PCSK5: variants seen among roughly 807,000 people sequenced by gnomAD.
PCSK5 encodes prohormone convertase 5.
A neutral mutation model predicts 233.2 loss-of-function variants in PCSK5; 129 were observed. That is an observed-to-expected ratio of 0.55 (90% CI 0.48 to 0.64). The LOEUF is 0.64. Ranked by LOEUF, PCSK5 falls within the 30% of genes least tolerant of loss-of-function variation. The pLI is 0.00. For missense variants in PCSK5, 2,076 were observed against 2,430.1 expected, an observed-to-expected ratio of 0.85 and a Z score of 3.06; for synonymous variants, 825 against 879.2, an observed-to-expected ratio of 0.94 and a Z score of 1.09.
chr9:75,903,175 C>T (rs1372320983), intron 1 of PCSK5, among the ~76,000 whole-genome samples: 1 of 152,180 alleles, frequency 6.6e-6, no homozygotes, highest in Non-Finnish European at 1.5e-5. Context: ...TTCATGTATT[C>T]TTAGCCTAAA....
intron 16 of PCSK5, among the ~76,000 whole-genome samples, chr9:76,182,584 A>G (rs1411952): frequency 0.82 from 123,649 of 151,340 alleles, 50,696 homozygotes; most frequent in Middle Eastern, 0.9. Flanking sequence ...AAAAATGTGT[A>G]CCTTAACACA....
chr9:76,343,679 G>A (rs967127188), intron 35 of PCSK5, among the ~76,000 whole-genome samples: 11 of 151,958 alleles, frequency 7.2e-5, no homozygotes, highest in African/African-American at 2.7e-4. Flanking sequence ...AGTTTCTCCA[G>A]CCTGCTTTGC....
At chr9:76,046,087 ACT>A (rs1274881337) in intron 5 of PCSK5, among the ~76,000 whole-genome samples, 6 of 147,242 alleles carry the variant, frequency 4.1e-5, no homozygotes, top group South Asian at 2.1e-4. Context: ...TTGTTTTATG[ACT>A]CTGGACAGAT....
At chr9:76,351,447 G>GAAAGGAAAGAAGAAAGAAA (rs1491332963) in intron 36 of PCSK5, among the ~76,000 whole-genome samples, 1,488 of 27,346 alleles carry the variant, frequency 0.054, 351 homozygotes, top group South Asian at 0.092. Context: ...GTGAAAGAAA[G>GAAAGGAAAGAAGAAAGAAA]GAAAGAAAGA....
intron 5 of PCSK5, among the ~76,000 whole-genome samples, chr9:76,057,626 C>T (rs1436612192): frequency 3.3e-5 from 5 of 151,804 alleles, no homozygotes; most frequent in Admixed American, 2.6e-4. Flanking sequence ...TATAAGAAGC[C>T]CTTTATAAGG....
intron 9 of PCSK5, among the ~76,000 whole-genome samples, chr9:76,127,878 CT>C (rs35566010): frequency 0.47 from 71,407 of 151,882 alleles, 17,185 homozygotes; most frequent in Admixed American, 0.52. Flanking sequence ...GAAACAGAGA[CT>C]TTCAAGAGGT....
At chr9:76,311,939 A>G (rs896898783) in intron 30 of PCSK5, among the ~76,000 whole-genome samples, 8 of 152,184 alleles carry the variant, frequency 5.3e-5, no homozygotes, top group Admixed American at 2.0e-4. Flanking sequence ...TTTCTTGAAG[A>G]AAAGAAAATT....
At chr9:76,026,043 A>G (rs1490829561) in intron 4 of PCSK5, among the ~76,000 whole-genome samples, 1 of 152,198 alleles carries the variant, frequency 6.6e-6, no homozygotes, top group East Asian at 1.9e-4. Flanking sequence ...TACAGGGTAT[A>G]GTGAGCCAAG....
At chr9:76,069,145 C>T (rs1327300830) in intron 6 of PCSK5, among the ~76,000 whole-genome samples, 2 of 152,044 alleles carry the variant, frequency 1.3e-5, no homozygotes, top group Non-Finnish European at 2.9e-5. Context: ...TAGCGGGGAG[C>T]ATCTGCTATT....
At chr9:76,269,430 G>C (rs1018056240) in intron 24 of PCSK5, among the ~76,000 whole-genome samples, 56 of 152,178 alleles carry the variant, frequency 3.7e-4, no homozygotes, top group African/African-American at 1.3e-3. Context: ...ACTCATCACA[G>C]TTTCAGCAGG....
intron 24 of PCSK5, among the ~76,000 whole-genome samples, chr9:76,269,507 G>C (rs1336291169): frequency 6.6e-6 from 1 of 152,146 alleles, no homozygotes; most frequent in African/African-American, 2.4e-5. Context: ...AGCTTAAAAA[G>C]GGTATTAAAG....
intron 1 of PCSK5, among the ~76,000 whole-genome samples, chr9:75,897,574 A>G (rs912162974): frequency 6.7e-6 from 1 of 148,472 alleles, no homozygotes; most frequent in Non-Finnish European, 1.5e-5. Flanking sequence ...GCTCGCTGCA[A>G]CCGCTGCCTC....
intron 22 of PCSK5, among the ~76,000 whole-genome samples, chr9:76,234,727 T>C (rs1284857030): frequency 6.6e-6 from 1 of 152,226 alleles, no homozygotes; most frequent in Non-Finnish European, 1.5e-5. Context: ...TGAAATGAGA[T>C]AAAACAATAA....
At chr9:76,321,784 A>G (rs1181468932) in intron 31 of PCSK5, 145 bp downstream of exon 31, 1 of 602,806 alleles carries the variant, frequency 1.7e-6, no homozygotes, top group Non-Finnish European at 2.9e-6. Flanking sequence ...GTCATCAGAG[A>G]AACTGAGGGT....
At position 76,175,042 on chromosome 9, in the gene PCSK5, C is replaced by T. The variant is rs752940234; in HGVS notation, c.1813C>T (p.Pro605Ser). Reference sequence around the variant, plus strand: ...CGGCACCTCCGTGCAGCCATATTCACCAACCAATGAATTTCCGAAAGTGGA... The same window carrying T: ...CGGCACCTCCGTGCAGCCATATTCATCAACCAATGAATTTCCGAAAGTGGA... The part of the protein sequence containing the change: ...LYGTSVQPYS[P>S]TNEFPKVERF... The change falls in exon 14 of 38, where the codon CCA becomes TCA. Residue 605 changes from proline (P) to serine (S), a missense_variant. Pro to Ser is a moderately conservative substitution (Grantham distance 74). This residue lies in a region of PCSK5 where 84 missense variants were observed against 108.8 expected (regional missense o/e 0.77). Coordinates refer to ENST00000674117, the MANE Select transcript of PCSK5 (RefSeq NM_001372043.1). The T allele has an allele frequency of 1.7e-5, 28 of 1,613,968 alleles. No individual in the cohort carries two copies. Among genetic ancestry groups the T allele is most frequent in the Middle Eastern group, 3.3e-4 (2 of 6,058 alleles).
At chr9:76,342,996 T>C (rs1032091174) in intron 35 of PCSK5, among the ~76,000 whole-genome samples, 1 of 152,144 alleles carries the variant, frequency 6.6e-6, no homozygotes, top group Admixed American at 6.5e-5. Flanking sequence ...TCATCATTCA[T>C]TGTCTGAATT....
intron 3 of PCSK5, among the ~76,000 whole-genome samples, chr9:75,989,145 G>C (rs940303256): frequency 6.6e-6 from 1 of 152,186 alleles, no homozygotes; most frequent in African/African-American, 2.4e-5. Context: ...CAGATCTGCA[G>C]ATCTGGATGC....
At chr9:76,308,026 G>A (rs527562868) in intron 28 of PCSK5, among the ~76,000 whole-genome samples, 1 of 151,922 alleles carries the variant, frequency 6.6e-6, no homozygotes, top group South Asian at 2.1e-4. Flanking sequence ...GCAAAACCCC[G>A]TCTCTACTAA....
At chr9:75,962,706 C>T (rs192468011) in intron 2 of PCSK5, among the ~76,000 whole-genome samples, 140 of 152,286 alleles carry the variant, frequency 9.2e-4, no homozygotes, top group Non-Finnish European at 1.1e-3. Flanking sequence ...GTGATGGGCA[C>T]ACATAATTTG....
Sources: allele counts gnomAD v4.1 joint callset (sites outside exome capture counted in the v4.1 genomes callset), GRCh38; gene constraint gnomAD v4.1.1; regional missense constraint gnomAD v4.1.1; transcripts MANE v1.5; gene names NCBI Gene and HGNC (gene_info 2026-07-23, HGNC 2026-07-21).